ATRNL1: variants seen among roughly 807,000 people sequenced by gnomAD.
ATRNL1 encodes attractin like 1.
In ATRNL1, 95 loss-of-function variants were observed where a neutral mutation model predicts 182.7. The ratio of observed to expected loss-of-function variants is 0.52; its 90% confidence interval spans 0.44 to 0.62. ATRNL1 has a LOEUF of 0.62. ATRNL1 is among the 20% of genes least tolerant of loss of function. ATRNL1 has a pLI of 0.00. For synonymous variants in ATRNL1, 576 were observed against 568.3 expected, an observed-to-expected ratio of 1.01 and a Z score of -0.19; for missense variants, 1,471 against 1,679.5, an observed-to-expected ratio of 0.88 and a Z score of 2.17.
At chr10:115,607,555 T>C (rs1856935227) in intron 26 of ATRNL1, among the ~76,000 whole-genome samples, 1 of 151,864 alleles carries the variant, frequency 6.6e-6, no homozygotes, top group Non-Finnish European at 1.5e-5. Context: ...TTAGGAAATA[T>C]AACCCCCTTT....
intron 28 of ATRNL1, among the ~76,000 whole-genome samples, chr10:115,866,112 C>T (rs1951434508): frequency 6.6e-6 from 1 of 152,072 alleles, no homozygotes; most frequent in Non-Finnish European, 1.5e-5. Flanking sequence ...TACTAAATTA[C>T]ACTGTGCTTA....
At chr10:115,893,757 C>A (rs1318027000) in intron 28 of ATRNL1, among the ~76,000 whole-genome samples, 1 of 152,102 alleles carries the variant, frequency 6.6e-6, no homozygotes, top group African/African-American at 2.4e-5. Flanking sequence ...GAGACAGATG[C>A]CTGGCATGAA....
chr10:115,608,992 G>A (rs1366947945), intron 26 of ATRNL1, among the ~76,000 whole-genome samples: 1 of 151,780 alleles, frequency 6.6e-6, no homozygotes, highest in African/African-American at 2.4e-5. Flanking sequence ...CTGATTATGT[G>A]TATCTAAATA....
chr10:115,867,270 T>G (rs1200993960), intron 28 of ATRNL1, among the ~76,000 whole-genome samples: 2 of 152,222 alleles, frequency 1.3e-5, no homozygotes, highest in Non-Finnish European at 2.9e-5. Flanking sequence ...GGATTTCTTT[T>G]TTTAGAGCAA....
At chr10:115,443,027 A>T (rs2134452916) in intron 21 of ATRNL1, among the ~76,000 whole-genome samples, 1 of 152,096 alleles carries the variant, frequency 6.6e-6, no homozygotes, top group South Asian at 2.1e-4. Context: ...TTGTAAATTA[A>T]TATTTAGTTT....
intron 28 of ATRNL1, among the ~76,000 whole-genome samples, chr10:115,856,775 A>G (rs1470294919): frequency 1.3e-5 from 2 of 152,112 alleles, no homozygotes; most frequent in African/African-American, 4.8e-5. Flanking sequence ...TCAGGCTGTG[A>G]TGTTCACTCA....
chr10:115,809,627 T>C (rs782647572), intron 27 of ATRNL1, among the ~76,000 whole-genome samples: 1 of 151,744 alleles, frequency 6.6e-6, no homozygotes, highest in Non-Finnish European at 1.5e-5. Flanking sequence ...GCAATTAATT[T>C]TTGTGGATTT....
In ATRNL1 at chr10:115,583,572, A is replaced by G. The variant is rs575920284; in HGVS notation, c.3795+34036A>G. Among the ~76,000 whole-genome samples, 33 of 125,888 alleles carry G rather than the reference A, an allele frequency of 2.6e-4. 5 individuals carry two copies. In the South Asian group the frequency reaches 0.01, roughly 39 times the overall value. 82.6% of individuals were successfully genotyped at this position (125,888 alleles called of 152,430 possible). A position where few individuals can be genotyped will look rare whatever the true frequency, so the allele number is the denominator to read the frequency against. ...TGTTTGTCTGTTGTTGATGTATAAGAATGCTTGTGATTTTTGTACATTGAT... is the reference window on the plus strand; with the variant it reads ...TGTTTGTCTGTTGTTGATGTATAAGGATGCTTGTGATTTTTGTACATTGAT... On this transcript the variant is annotated intron_variant, in intron 26 of 28. Transcript: ENST00000355044.
At chr10:115,194,727 T>G (rs2144259002) in intron 8 of ATRNL1, among the ~76,000 whole-genome samples, 1 of 152,120 alleles carries the variant, frequency 6.6e-6, no homozygotes, top group East Asian at 1.9e-4. Context: ...TTACTGCCAT[T>G]TTGTTGTTTG....
chr10:115,883,916 T>A (rs542027649), intron 28 of ATRNL1, among the ~76,000 whole-genome samples: 14 of 152,338 alleles, frequency 9.2e-5, no homozygotes, highest in African/African-American at 2.2e-4. Context: ...TTGGAATGGA[T>A]ATGAAGAATG....
chr10:115,216,443 G>T (rs1486044335), intron 9 of ATRNL1, among the ~76,000 whole-genome samples: 2 of 152,098 alleles, frequency 1.3e-5, no homozygotes, highest in Non-Finnish European at 2.9e-5. Flanking sequence ...TTTTACTTTT[G>T]CCAAGGTGAT....
intron 24 of ATRNL1, among the ~76,000 whole-genome samples, chr10:115,481,138 A>G (rs11197236): frequency 0.039 from 5,841 of 150,600 alleles, 403 homozygotes; most frequent in African/African-American, 0.13. Context: ...TGCCCTTGTA[A>G]TATAGTATTC....
chr10:115,549,071 T>TA (rs771567201), intron 25 of ATRNL1, among the ~76,000 whole-genome samples: 1 of 152,110 alleles, frequency 6.6e-6, no homozygotes, highest in African/African-American at 2.4e-5. Flanking sequence ...AAAATAGTGA[T>TA]AAAAATAATA....
intron 26 of ATRNL1, among the ~76,000 whole-genome samples, chr10:115,578,972 A>G (rs1854898160): frequency 6.6e-6 from 1 of 151,612 alleles, no homozygotes; most frequent in Non-Finnish European, 1.5e-5. Context: ...TCTCATTTCC[A>G]AAGCATTTGG....
At chr10:115,683,475 T>A (rs2133955015) in intron 26 of ATRNL1, among the ~76,000 whole-genome samples, 1 of 150,320 alleles carries the variant, frequency 6.7e-6, no homozygotes, top group East Asian at 2.0e-4. Context: ...TCTTAGATAA[T>A]GAAAATGAAT....
chr10:115,868,981 C>T (rs912654765), intron 28 of ATRNL1, among the ~76,000 whole-genome samples: 16 of 151,774 alleles, frequency 1.1e-4, no homozygotes, highest in Admixed American at 5.9e-4. Flanking sequence ...AGGCGCCCGC[C>T]ACCACGCCCG....
chr10:115,154,666 A>G (rs1846416993), intron 5 of ATRNL1, among the ~76,000 whole-genome samples: 1 of 152,034 alleles, frequency 6.6e-6, no homozygotes, highest in South Asian at 2.1e-4. Flanking sequence ...TGTATTTTGT[A>G]GCTGTTGATT....
At chr10:115,358,759 T>C (rs1211017997) in intron 19 of ATRNL1, among the ~76,000 whole-genome samples, 2 of 151,670 alleles carry the variant, frequency 1.3e-5, no homozygotes, top group Non-Finnish European at 3.0e-5. Context: ...AACAGTGGTC[T>C]AAACCAGTAT....
At chr10:115,173,704 G>A (rs1592210492) in intron 8 of ATRNL1, among the ~76,000 whole-genome samples, 1 of 151,642 alleles carries the variant, frequency 6.6e-6, no homozygotes, top group African/African-American at 2.4e-5. Context: ...ATTATAAAGT[G>A]GTTTGTTTAA....
Sources: gnomAD v4.1 joint callset for allele counts (sites outside exome capture counted in the v4.1 genomes callset) on GRCh38, gnomAD v4.1.1 for gene constraint, MANE v1.5 for transcripts, NCBI Gene and HGNC (gene_info 2026-07-23, HGNC 2026-07-21) for gene names.